HDAC9: variants seen among roughly 807,000 people sequenced by gnomAD.
The protein encoded by HDAC9 is MEF-2 interacting transcription repressor (MITR) protein.
A neutral mutation model predicts 139.4 loss-of-function variants in HDAC9; 41 were observed. The observed-to-expected ratio is 0.29, with a 90% CI of 0.23 to 0.38. The LOEUF is 0.38. HDAC9 is among the 10% of genes least tolerant of loss of function. The probability of loss-of-function intolerance (pLI) is 1.00; values close to 1 mark genes in which losing one functional copy is unlikely to be tolerated. For synonymous variants in HDAC9, 517 were observed against 476.2 expected, an observed-to-expected ratio of 1.09 and a Z score of -1.12; for missense variants, 1,147 against 1,297.0, an observed-to-expected ratio of 0.88 and a Z score of 1.78.
intron 11 of HDAC9, among the ~76,000 whole-genome samples, chr7:18,664,007 C>A (rs1794039805): frequency 6.6e-6 from 1 of 152,136 alleles, no homozygotes; most frequent in Non-Finnish European, 1.5e-5. Flanking sequence ...TCTTTAATAT[C>A]TTGCTCGTTT....
At chr7:18,263,914 G>A (rs1322342985) in intron 2 of HDAC9, among the ~76,000 whole-genome samples, 2 of 152,020 alleles carry the variant, frequency 1.3e-5, no homozygotes, top group African/African-American at 4.8e-5. Context: ...CCACCACGTG[G>A]GCCTGGCTGA....
chr7:18,528,373 A>G (rs1336571363), intron 2 of HDAC9, among the ~76,000 whole-genome samples: 3 of 152,100 alleles, frequency 2.0e-5, no homozygotes, highest in South Asian at 4.1e-4. Flanking sequence ...AACATTTTAT[A>G]TAAGTGAAAA....
At chr7:18,402,172 T>A (rs764396262) in intron 1 of HDAC9, among the ~76,000 whole-genome samples, 4 of 152,218 alleles carry the variant, frequency 2.6e-5, no homozygotes, top group Admixed American at 1.3e-4. Flanking sequence ...CTTATATCCC[T>A]GTTCTTCAGT....
At chr7:18,665,410 A>G (rs558083203) in intron 11 of HDAC9, among the ~76,000 whole-genome samples, 23 of 152,242 alleles carry the variant, frequency 1.5e-4, no homozygotes, top group Middle Eastern at 3.4e-3. Context: ...ATATTTTGCT[A>G]TTGTTTAAGT....
At chr7:18,651,101 G>A (rs1166256953) in intron 11 of HDAC9, among the ~76,000 whole-genome samples, 5 of 152,124 alleles carry the variant, frequency 3.3e-5, no homozygotes, top group African/African-American at 4.8e-5. Context: ...CTTCCGTGAC[G>A]TGACAAGGAT....
At chr7:18,761,239 C>T (rs368739871) in intron 14 of HDAC9, among the ~76,000 whole-genome samples, 2 of 152,174 alleles carry the variant, frequency 1.3e-5, no homozygotes, top group African/African-American at 4.8e-5. Flanking sequence ...AGAAAGAACA[C>T]TTTGCATACT....
rs184668988 is a variant in HDAC9, at chr7:18,446,497, C to T, written c.-41-49765C>T. ...TTTGCTAATGCTGCTTCTCATATAA[C>T]GTATATTCAAATATATTAGGTTTTT... On this transcript the variant is annotated intron_variant, in intron 1 of 3. Transcript: ENST00000413509. Among the ~76,000 whole-genome samples, 301 of 152,236 alleles carry T rather than the reference C, an allele frequency of 2.0e-3. 1 individual carries two copies. Among genetic ancestry groups the T allele is most frequent in the African/African-American group, 5.9e-3 (245 of 41,552 alleles).
At chr7:18,120,021 A>T (rs1246180518) in intron 1 of HDAC9, among the ~76,000 whole-genome samples, 2 of 152,236 alleles carry the variant, frequency 1.3e-5, no homozygotes, top group African/African-American at 4.8e-5. Context: ...TGTGAATTAT[A>T]TCACAGTTTG....
In HDAC9 at chr7:18,122,878, C is replaced by T. The variant is rs143202046; in HGVS notation, c.-97+35665C>T. Reference sequence around the variant, plus strand: ...AAGTGATCTTCCTGCCTCAGCCTCCCAAAGTGCTCAGGCATGAGCCACAGT... The same window carrying T: ...AAGTGATCTTCCTGCCTCAGCCTCCTAAAGTGCTCAGGCATGAGCCACAGT... On this transcript the variant is annotated intron_variant, in intron 1 of 12. Coordinates refer to the HDAC9 transcript ENST00000417496. Among the ~76,000 whole-genome samples the T allele has an allele frequency of 4.4e-3, 669 of 152,318 alleles. 7 individuals are homozygous for T. The highest frequency in any genetic ancestry group is 0.016 in the African/African-American group (655 of 41,586).
chr7:18,689,318 A>G (rs1782506719), intron 12 of HDAC9, among the ~76,000 whole-genome samples: 3 of 151,668 alleles, frequency 2.0e-5, no homozygotes, highest in South Asian at 4.1e-4. Context: ...TTTAGGTACT[A>G]CAGCCTTCCT....
intron 1 of HDAC9, among the ~76,000 whole-genome samples, chr7:18,124,774 T>C (rs1026246994): frequency 1.3e-5 from 2 of 152,214 alleles, no homozygotes; most frequent in Non-Finnish European, 2.9e-5. Context: ...TGACAGGGTT[T>C]CTGCTTTCCA....
At chr7:18,267,402 A>C (rs544511308) in intron 2 of HDAC9, among the ~76,000 whole-genome samples, 19 of 152,152 alleles carry the variant, frequency 1.2e-4, no homozygotes, top group African/African-American at 4.1e-4. Flanking sequence ...TATTCCTCCT[A>C]TCTAACCGAA....
At chr7:18,216,488 A>G (rs1030058220) in intron 2 of HDAC9, among the ~76,000 whole-genome samples, 24 of 152,132 alleles carry the variant, frequency 1.6e-4, no homozygotes, top group African/African-American at 5.8e-4. Context: ...ATGTTTAATA[A>G]GGTGCTCATT....
chr7:18,646,400 G>T (rs1188498799), intron 9 of HDAC9, among the ~76,000 whole-genome samples: 1 of 152,040 alleles, frequency 6.6e-6, no homozygotes, highest in Non-Finnish European at 1.5e-5. Flanking sequence ...AATGTGGTTT[G>T]GATTAAAGTT....
chr7:18,369,883 G>C lies in HDAC9; in HGVS notation c.-42+79368G>C, dbSNP rs1292812146. On this transcript the variant is annotated intron_variant, in intron 1 of 3. Transcript: ENST00000413509. ...TCTGAGGGGAAATAAAGTTTATAGA[G>C]AATCTTTAAATTATTCCAGTGTAGG... is the stretch of plus-strand genomic sequence containing the variant. 2.0e-5 allele frequency among the ~76,000 whole-genome samples: 3 copies of C among 152,048 alleles called. No individual in the cohort carries two copies. In the East Asian group the frequency reaches 5.8e-4, roughly 29 times the overall value.
At chr7:18,883,932 C>T (rs1450864897) in intron 22 of HDAC9, among the ~76,000 whole-genome samples, 1 of 152,024 alleles carries the variant, frequency 6.6e-6, no homozygotes, top group Non-Finnish European at 1.5e-5. Context: ...AAAATAATCC[C>T]ATGTACAATA....
intron 1 of HDAC9, among the ~76,000 whole-genome samples, chr7:18,113,026 A>G (rs1198873964): frequency 6.6e-6 from 1 of 152,180 alleles, no homozygotes; most frequent in Non-Finnish European, 1.5e-5. Context: ...GCGATAAAGA[A>G]ATAGGAAGAA....
At chr7:18,334,331 A>G (rs929895487) in intron 1 of HDAC9, among the ~76,000 whole-genome samples, 1 of 151,584 alleles carries the variant, frequency 6.6e-6, no homozygotes, top group African/African-American at 2.4e-5. Context: ...TGAATCAGGA[A>G]TGGCTTAGAG....
At chr7:18,861,435 C>A (rs1798100545) in intron 21 of HDAC9, among the ~76,000 whole-genome samples, 1 of 152,106 alleles carries the variant, frequency 6.6e-6, no homozygotes, top group Non-Finnish European at 1.5e-5. Flanking sequence ...GATAAACTAG[C>A]AATCTTACCA....
Sources: gnomAD v4.1 joint callset for allele counts (sites outside exome capture counted in the v4.1 genomes callset) on GRCh38, gnomAD v4.1.1 for gene constraint, MANE v1.5 for transcripts, NCBI Gene and HGNC (gene_info 2026-07-23, HGNC 2026-07-21) for gene names.